Variants in MYO16 observed in about 807,000 individuals in gnomAD.
MYO16 encodes myosin XVI.
A neutral mutation model predicts 205.3 loss-of-function variants in MYO16; 94 were observed. The ratio of observed to expected loss-of-function variants is 0.46; its 90% CI spans 0.39 to 0.54. The LOEUF is 0.54. MYO16 is among the 20% of genes least tolerant of loss of function. The pLI, the probability that MYO16 is intolerant of heterozygous loss-of-function variation, is 0.00. For synonymous variants in MYO16, 988 were observed against 954.0 expected (o/e 1.04, Z -0.66); for missense variants, 2,315 against 2,387.5 (o/e 0.97, Z 0.63).
intron 34 of MYO16, among the ~76,000 whole-genome samples, chr13:109,206,408 A>G (rs1195282203): frequency 3.3e-5 from 5 of 152,200 alleles, no homozygotes; most frequent in African/African-American, 1.2e-4. Flanking sequence ...GTTTTGTTGC[A>G]GTCATTGCCT....
intron 13 of MYO16, chr13:108,886,556 C>G: frequency 2.2e-6 from 1 of 452,118 alleles, no homozygotes; most frequent in Non-Finnish European, 4.4e-6. Context: ...CAGTTGAATA[C>G]CACCAGAGCT....
At chr13:109,094,940 C>G (rs77611358) in intron 27 of MYO16, among the ~76,000 whole-genome samples, 41,673 of 151,894 alleles carry the variant, frequency 0.27, 5,776 homozygotes, top group Middle Eastern at 0.32. Flanking sequence ...CTTTTTAATT[C>G]TAGCTCTCTC....
chr13:109,019,703 A>C lies in MYO16; in HGVS notation c.2596-8A>C, dbSNP rs1227139758. On this transcript the variant is annotated splice_region_variant and splice_polypyrimidine_tract_variant and intron_variant, in intron 22 of 34. Coordinates refer to ENST00000457511, the MANE Select transcript of MYO16 (RefSeq NM_001198950.3). ...CAAAACAACTCCCCATCTCTTCTTA[A>C]CTCTCAGAAGCCATCTGGATTTCTC... is the stretch of plus-strand genomic sequence containing the variant. The C allele has an allele frequency of 2.5e-6, 4 of 1,608,834 alleles. No homozygotes were observed. The highest frequency in any genetic ancestry group is 3.4e-6 in the Non-Finnish European group (4 of 1,175,830).
chr13:108,881,850 G>A (rs1284912151), intron 12 of MYO16, among the ~76,000 whole-genome samples: 2 of 152,190 alleles, frequency 1.3e-5, no homozygotes, highest in African/African-American at 4.8e-5. Context: ...GAGGAGAATG[G>A]AACCAAGTTG....
the MYO16 span, among the ~76,000 whole-genome samples, chr13:108,502,459 C>T: frequency 1.3e-5 from 2 of 152,076 alleles, no homozygotes; most frequent in Non-Finnish European, 2.9e-5. Flanking sequence ...ATGTAGAAAA[C>T]AGTGAGTTTG....
chr13:108,805,080 C>T (rs1566340228), intron 6 of MYO16, among the ~76,000 whole-genome samples: 2 of 152,110 alleles, frequency 1.3e-5, no homozygotes, highest in African/African-American at 4.8e-5. Context: ...GCATATAGCA[C>T]AGAGTAACTG....
At chr13:109,037,674 A>C (rs1886758877) in intron 23 of MYO16, among the ~76,000 whole-genome samples, 1 of 151,312 alleles carries the variant, frequency 6.6e-6, no homozygotes, top group East Asian at 1.9e-4. Flanking sequence ...AGACACACAG[A>C]GAGAGAGAGA....
At chr13:108,814,084 T>A (rs992498488) in intron 7 of MYO16, among the ~76,000 whole-genome samples, 1 of 152,188 alleles carries the variant, frequency 6.6e-6, no homozygotes, top group South Asian at 2.1e-4. Context: ...GATTTTCTTG[T>A]GGGAAACATT....
the MYO16 span, among the ~76,000 whole-genome samples, chr13:108,524,305 CA>C: frequency 0.14 from 3,340 of 23,134 alleles, 125 homozygotes; most frequent in South Asian, 0.37. Context: ...ACTCCGTCTC[CA>C]AAAAAAAATA....
chr13:108,655,714 C>T (rs2139411580), intron 1 of MYO16, among the ~76,000 whole-genome samples: 1 of 152,288 alleles, frequency 6.6e-6, no homozygotes, highest in Non-Finnish European at 1.5e-5. Context: ...AGGGGTGGAG[C>T]TGCCCAAGAC....
At chr13:109,059,394 C>A (rs537458976) in intron 27 of MYO16, among the ~76,000 whole-genome samples, 1 of 152,162 alleles carries the variant, frequency 6.6e-6, no homozygotes, top group Non-Finnish European at 1.5e-5. Flanking sequence ...ACATTCAATT[C>A]CTTCAGCAGT....
intron 1 of MYO16, among the ~76,000 whole-genome samples, chr13:108,605,700 C>A (rs1457707453): frequency 6.6e-6 from 1 of 152,080 alleles, no homozygotes; most frequent in African/African-American, 2.4e-5. Flanking sequence ...AACCTCTTTC[C>A]TTTATAAATT....
At chr13:108,548,718 A>G in the MYO16 span, among the ~76,000 whole-genome samples, 2 of 152,038 alleles carry the variant, frequency 1.3e-5, no homozygotes, top group Admixed American at 1.3e-4. Context: ...ATGAATGGTG[A>G]TGATTATAGA....
chr13:108,633,725 G>C (rs946893467), intron 1 of MYO16, among the ~76,000 whole-genome samples: 3 of 152,136 alleles, frequency 2.0e-5, no homozygotes, highest in African/African-American at 7.2e-5. Context: ...TGATACCAAG[G>C]TTAAAACCCA....
At chr13:108,796,973 G>A (rs1886813475) in intron 6 of MYO16, among the ~76,000 whole-genome samples, 1 of 151,996 alleles carries the variant, frequency 6.6e-6, no homozygotes, top group South Asian at 2.1e-4. Context: ...GACTGAAAAG[G>A]ACAGGGGTAA....
At chr13:109,131,084 A>G (rs998431324) in intron 31 of MYO16, among the ~76,000 whole-genome samples, 5 of 152,174 alleles carry the variant, frequency 3.3e-5, no homozygotes, top group African/African-American at 1.2e-4. Flanking sequence ...AGATAGGAAG[A>G]CCATTTGATC....
At position 109,148,341 on chromosome 13, in the gene MYO16, A is replaced by G. The variant is rs1034914381; in HGVS notation, c.5164+6965A>G. Among the ~76,000 whole-genome samples the G allele has an allele frequency of 5.3e-5, 8 of 152,298 alleles. No individual in the cohort carries two copies. In the East Asian group the frequency reaches 1.5e-3, roughly 29 times the overall value. ...TCTCTATATAAATGCCCAATAATTC[A>G]TACAGGGAAATTGTGCAAGCAGGAG... is the stretch of plus-strand genomic sequence containing the variant. On this transcript the variant is annotated intron_variant, in intron 32 of 34. Transcript: ENST00000457511.
intron 21 of MYO16, among the ~76,000 whole-genome samples, chr13:108,993,510 T>A (rs1194482978): frequency 6.6e-6 from 1 of 152,174 alleles, no homozygotes; most frequent in African/African-American, 2.4e-5. Context: ...CTCTGCATCA[T>A]CCTGTGTTTA....
intron 23 of MYO16, among the ~76,000 whole-genome samples, chr13:109,030,974 A>G (rs1259409561): frequency 6.6e-6 from 1 of 152,162 alleles, no homozygotes; most frequent in East Asian, 1.9e-4. Context: ...TTCTTATCTC[A>G]GTACCCTGGT....
Sources: gnomAD v4.1 joint callset for allele counts (sites outside exome capture counted in the v4.1 genomes callset) on GRCh38, gnomAD v4.1.1 for gene constraint, MANE v1.5 for transcripts, NCBI Gene and HGNC (gene_info 2026-07-23, HGNC 2026-07-21) for gene names.